DGKH: variants seen among roughly 807,000 people sequenced by gnomAD.
The protein encoded by DGKH is DAG kinase eta.
A neutral mutation model predicts 159.3 loss-of-function variants in DGKH; 90 were observed. The observed-to-expected ratio is 0.57, with a 90% confidence interval of 0.48 to 0.67. DGKH has a LOEUF of 0.67. Among genes scored for constraint, DGKH ranks in the 30% least tolerant of loss-of-function variants. The pLI, the probability that DGKH is intolerant of heterozygous loss-of-function variation, is 0.00. For missense variants in DGKH, 1,181 were observed against 1,506.1 expected (o/e 0.78, Z 3.57); for synonymous variants, 536 against 553.8 (o/e 0.97, Z 0.45).
At chr13:42,186,947 T>C in intron 13 of DGKH, 102 bp from the exon 14 acceptor site, 1 of 972,632 alleles carries the variant, frequency 1.0e-6, no homozygotes, top group Non-Finnish European at 1.6e-6. Context: ...GACCCAGATA[T>C]TTGACAGTTT....
intron 25 of DGKH, among the ~76,000 whole-genome samples, chr13:42,215,119 C>A (rs1401868944): frequency 6.7e-6 from 1 of 150,370 alleles, no homozygotes; most frequent in African/African-American, 2.4e-5. Context: ...TAAAATGTGC[C>A]ACATGGTACA....
At position 42,220,314 on chromosome 13, in the gene DGKH, C is replaced by T. The variant is rs749142265; in HGVS notation, c.3442+520C>T. ...TTTTGAGGACACTGTTTCAACCCCTCGACAATGACAATATGCTGTGATACT... is the reference window on the plus strand; with the variant it reads ...TTTTGAGGACACTGTTTCAACCCCTTGACAATGACAATATGCTGTGATACT... On this transcript the variant is annotated intron_variant, in intron 28 of 29. Coordinates refer to ENST00000337343, the MANE Select transcript of DGKH (RefSeq NM_178009.5). 3.9e-5 allele frequency among the ~76,000 whole-genome samples: 6 copies of T among 152,290 alleles called. No homozygotes were observed. In the East Asian group the frequency reaches 5.8e-4, roughly 15 times the overall value.
chr13:42,209,415 A>T lies in DGKH; in HGVS notation c.2800A>T (p.Ile934Phe), dbSNP rs1957582871. Residue 934 changes from isoleucine to phenylalanine, a missense_variant, in exon 23 of 30, where the codon ATT becomes TTT. This residue lies in a region of DGKH where 335 missense variants were observed against 495.2 expected (regional missense o/e 0.68). Transcript: ENST00000337343. ...TGAAGCGTGGGTTCAGCCTCCAGGG[A>T]TTATCAAAATTGTGCACAAAAACAG... is the stretch of plus-strand genomic sequence containing the variant. ...DGEAWVQPPG[I>F]IKIVHKNRAQ... 6.2e-7 allele frequency: 1 copy of T among 1,613,502 alleles called. No individual in the cohort carries two copies. The highest frequency in any genetic ancestry group is 8.5e-7 in the Non-Finnish European group (1 of 1,179,774).
chr13:42,070,455 CAA>C lies in DGKH; in HGVS notation c.192+21491_192+21492del. 7.7e-6 allele frequency: 10 copies of C among 1,300,344 alleles called. No homozygotes were observed. The South Asian group carries it at 1.2e-4, about 15-fold the overall frequency. 80.6% of individuals were successfully genotyped at this position (1,300,344 alleles called of 1,614,324 possible). The stretch of plus-strand genomic sequence containing the variant: ...GAGATGCAGCCTGCAGCCCACATGT[CAA>C]TGGCTTTAGTATAATTATTAGGAGA... On this transcript the variant is annotated intron_variant, in intron 1 of 29. Transcript: ENST00000337343.
chr13:42,207,693 G>GTATATATATA (rs368253963), intron 21 of DGKH, among the ~76,000 whole-genome samples: 10,074 of 126,110 alleles, frequency 0.08, 534 homozygotes, highest in Non-Finnish European at 0.09. Flanking sequence ...TTATTAAAGT[G>GTATATATATA]TGTATATATA....
chr13:42,101,366 G>A (rs1367244520), intron 1 of DGKH, among the ~76,000 whole-genome samples: 1 of 152,212 alleles, frequency 6.6e-6, no homozygotes, highest in Admixed American at 6.5e-5. Context: ...CATTTGATTT[G>A]TTGAAAGCTG....
chr13:42,161,200 A>G (rs1442245806), intron 7 of DGKH, among the ~76,000 whole-genome samples: 1 of 152,236 alleles, frequency 6.6e-6, no homozygotes, highest in Non-Finnish European at 1.5e-5. Flanking sequence ...AATTCTACCC[A>G]TAAACAAGAT....
rs1958466561 is a variant in DGKH, at chr13:42,238,818, G to C, written c.*9630G>C. ...TTATATTAGTTATACATGAGAGTCA[G>C]TGAACGATGACTTGATTTTTACATG... On this transcript the variant is annotated 3_prime_UTR_variant, in exon 30 of 30. Transcript: ENST00000337343. 1 of 152,174 alleles carries C rather than the reference G, an allele frequency of 6.6e-6. No individual in the cohort carries two copies. Among genetic ancestry groups the C allele is most frequent in the South Asian group, 2.1e-4 (1 of 4,830 alleles). The allele number at this position is 152,174 out of a possible 1,614,324, so 9.4% of individuals were successfully genotyped here.
intron 1 of DGKH, among the ~76,000 whole-genome samples, chr13:42,058,469 TG>T (rs1881916149): frequency 6.7e-6 from 1 of 150,156 alleles, no homozygotes; most frequent in African/African-American, 2.5e-5. Context: ...TTTGGAGAAA[TG>T]TTAAATTTGC....
chr13:42,202,741 T>C (rs1042766956), intron 20 of DGKH, among the ~76,000 whole-genome samples: 2 of 152,216 alleles, frequency 1.3e-5, no homozygotes, highest in African/African-American at 2.4e-5. Context: ...ATTCCAGAAA[T>C]GTAAATAACG....
In DGKH at chr13:42,242,774, T is replaced by C. The variant is rs1014232220; in HGVS notation, c.*13586T>C. 6.6e-6 allele frequency: 1 copy of C among 152,214 alleles called. No individual in the cohort carries two copies. Among genetic ancestry groups the C allele is most frequent in the Non-Finnish European group, 1.5e-5 (1 of 68,036 alleles). The allele number at this position is 152,214 out of a possible 1,614,324, so 9.4% of individuals were successfully genotyped here. A position where few individuals can be genotyped will look rare whatever the true frequency, so the allele number is the denominator to read the frequency against. On this transcript the variant is annotated 3_prime_UTR_variant, in exon 30 of 30. Coordinates refer to ENST00000337343, the MANE Select transcript of DGKH (RefSeq NM_178009.5). The stretch of plus-strand genomic sequence containing the variant: ...ATTGTACGGAAGTCACTGACGTGTG[T>C]ATTTTTGTACTTTGCTGAAAGTAAT...
At chr13:42,071,563 A>G (rs1341098787) in intron 1 of DGKH, among the ~76,000 whole-genome samples, 2 of 152,242 alleles carry the variant, frequency 1.3e-5, no homozygotes, top group African/African-American at 4.8e-5. Flanking sequence ...AGGTGCTGGT[A>G]AGCACTATTT....
rs1593990075 is a variant in DGKH, at chr13:42,075,091, C to T, written c.192+26126C>T. Among the ~76,000 whole-genome samples the T allele has an allele frequency of 3.3e-5, 5 of 152,114 alleles. No homozygotes were observed. In the South Asian group the frequency reaches 1.0e-3, roughly 32 times the overall value. ...GTTTCCTAATTTTAAAATAGAGATA[C>T]ATTCATATGGTTGGATTGTTATACA... On this transcript the variant is annotated intron_variant, in intron 1 of 29. Transcript: ENST00000337343.
chr13:42,166,093 T>TTA (rs1405476648), intron 8 of DGKH, among the ~76,000 whole-genome samples: 2 of 152,168 alleles, frequency 1.3e-5, no homozygotes, highest in African/African-American at 4.8e-5. Flanking sequence ...CTTGCATTGA[T>TTA]ATCATGCCTT....
At chr13:42,067,035 AT>A (rs896635415) in intron 1 of DGKH, among the ~76,000 whole-genome samples, 4 of 152,160 alleles carry the variant, frequency 2.6e-5, no homozygotes, top group Admixed American at 2.0e-4. Flanking sequence ...ATATACACAT[AT>A]TCTTTAAACA....
At chr13:42,064,331 G>A (rs1457432234) in intron 1 of DGKH, among the ~76,000 whole-genome samples, 1 of 152,178 alleles carries the variant, frequency 6.6e-6, no homozygotes, top group Non-Finnish European at 1.5e-5. Context: ...AAATGCAGCA[G>A]TGTGAATATC....
rs1566134309 is a variant in DGKH at position 42,151,489 on chromosome 13, G to A, written c.385-3802G>A. 9.5e-5 allele frequency among the ~76,000 whole-genome samples: 11 copies of A among 116,204 alleles called. No individual in the cohort carries two copies. In the East Asian group the frequency reaches 2.2e-3, roughly 23 times the overall value. 76.2% of individuals were successfully genotyped at this position (116,204 alleles called of 152,430 possible). On this transcript the variant is annotated intron_variant, in intron 3 of 29. Transcript: ENST00000337343. The stretch of plus-strand genomic sequence containing the variant: ...GAGTAGTATTCCATGGTGTGTGTGT[G>A]TGTGTGTGTGTGTGTGTATACACAT...
At chr13:42,114,509 G>A (rs1170172) in intron 1 of DGKH, among the ~76,000 whole-genome samples, 123,350 of 152,186 alleles carry the variant, frequency 0.81, 50,547 homozygotes, top group African/African-American at 0.91. Flanking sequence ...CTCTGCTCTC[G>A]CTGAGCATGC....
In DGKH at chr13:42,230,646, A is replaced by T. The variant is rs951517861; in HGVS notation, c.*1458A>T. 4 of 152,098 alleles carry T rather than the reference A, an allele frequency of 2.6e-5. No homozygotes were observed. The highest frequency in any genetic ancestry group is 4.4e-5 in the Non-Finnish European group (3 of 67,990). The allele number at this position is 152,098 out of a possible 1,614,324, so 9.4% of individuals were successfully genotyped here. On this transcript the variant is annotated 3_prime_UTR_variant, in exon 30 of 30. Transcript: ENST00000337343. Reference sequence around the variant, plus strand: ...AAGTAGCCTGCTAGGTGCTTAATAGATATATATACACACAGATATATACAT... The same window carrying T: ...AAGTAGCCTGCTAGGTGCTTAATAGTTATATATACACACAGATATATACAT...
Sources: gnomAD v4.1 joint callset for allele counts (sites outside exome capture counted in the v4.1 genomes callset) on GRCh38, gnomAD v4.1.1 for gene constraint, gnomAD v4.1.1 regional missense constraint, MANE v1.5 for transcripts, NCBI Gene and HGNC (gene_info 2026-07-23, HGNC 2026-07-21) for gene names.